The following FOXP1 variants were observed in gnomAD, a reference collection of about 807,000 sequenced individuals.
The protein encoded by FOXP1 is forkhead box protein P1.
In FOXP1, 15 loss-of-function variants were observed where a neutral mutation model predicts 98.2. The ratio of observed to expected loss-of-function variants is 0.15; its 90% CI spans 0.10 to 0.24. The LOEUF (loss-of-function observed/expected upper bound fraction) is 0.24. Ranked by LOEUF, FOXP1 falls within the 10% of genes least tolerant of loss-of-function variation. The pLI, the probability that FOXP1 is intolerant of heterozygous loss-of-function variation, is 1.00. For synonymous variants in FOXP1, 371 were observed against 314.5 expected (o/e 1.18, Z -1.90); for missense variants, 633 against 848.5 (o/e 0.75, Z 3.15).
chr3:71,444,093 C>T (rs1020814670), intron 3 of FOXP1, among the ~76,000 whole-genome samples: 2 of 152,188 alleles, frequency 1.3e-5, no homozygotes, highest in South Asian at 4.1e-4. Context: ...CTCTCAAACG[C>T]CTAGTACATC....
At chr3:71,052,492 C>A (rs763331396) in intron 9 of FOXP1, 45 bp downstream of exon 9, 1 of 878,534 alleles carries the variant, frequency 1.1e-6, no homozygotes, top group Admixed American at 1.7e-5. Flanking sequence ...ACTAGATAGT[C>A]CTCTGGGATC....
intron 5 of FOXP1, among the ~76,000 whole-genome samples, chr3:71,278,241 T>C (rs562300853): frequency 2.3e-4 from 35 of 152,320 alleles, no homozygotes; most frequent in African/African-American, 4.8e-4. Context: ...CTGTCATCAA[T>C]AGCTTTTGAT....
At chr3:71,188,159 G>A (rs554265685) in intron 6 of FOXP1, among the ~76,000 whole-genome samples, 6 of 152,182 alleles carry the variant, frequency 3.9e-5, no homozygotes, top group East Asian at 3.9e-4. Flanking sequence ...GACATTTTAC[G>A]CACAATTTTC....
At chr3:71,336,199 A>G (rs1053508933) in intron 4 of FOXP1, among the ~76,000 whole-genome samples, 1 of 152,148 alleles carries the variant, frequency 6.6e-6, no homozygotes, top group Non-Finnish European at 1.5e-5. Flanking sequence ...TAAAAAATGC[A>G]ATAAATTGAA....
chr3:71,313,007 A>G (rs1235077136), intron 4 of FOXP1, among the ~76,000 whole-genome samples: 1 of 152,062 alleles, frequency 6.6e-6, no homozygotes, highest in Non-Finnish European at 1.5e-5. Flanking sequence ...AATAAAATAA[A>G]ATAAGGGAAT....
intron 14 of FOXP1, among the ~76,000 whole-genome samples, chr3:70,980,151 T>C (rs911291449): frequency 6.6e-6 from 1 of 151,946 alleles, no homozygotes; most frequent in African/African-American, 2.4e-5. Flanking sequence ...CAGTTCAGAG[T>C]AGCAGCCGCA....
chr3:71,150,257 G>T (rs933077927), intron 6 of FOXP1, among the ~76,000 whole-genome samples: 1 of 152,126 alleles, frequency 6.6e-6, no homozygotes, highest in East Asian at 1.9e-4. Flanking sequence ...CCTGGCAGTG[G>T]CAATGCATGC....
chr3:71,054,284 A>G (rs1319302635), intron 7 of FOXP1, among the ~76,000 whole-genome samples: 10 of 152,228 alleles, frequency 6.6e-5, no homozygotes, highest in African/African-American at 2.4e-4. Flanking sequence ...ACTTAAACAC[A>G]GACCCTTCGC....
chr3:71,111,746 C>A (rs1668654904), intron 7 of FOXP1, among the ~76,000 whole-genome samples: 1 of 152,142 alleles, frequency 6.6e-6, no homozygotes, highest in Non-Finnish European at 1.5e-5. Context: ...TCCATTAAGC[C>A]CTTGCCTTCA....
intron 2 of FOXP1, chr3:71,541,834 AAAAC>A (rs903873048): frequency 5.7e-5 from 24 of 419,034 alleles, no homozygotes; most frequent in African/African-American, 4.9e-4. Context: ...TCCTGGTTTT[AAAAC>A]AAACAAAAAA....
intron 3 of FOXP1, among the ~76,000 whole-genome samples, chr3:71,446,035 A>AGGTGAGTG (rs1444116308): frequency 8.4e-6 from 1 of 118,516 alleles, no homozygotes; most frequent in African/African-American, 3.3e-5. Context: ...AACAACTCAT[A>AGGTGAGTG]GGTGAGTGAG....
intron 2 of FOXP1, among the ~76,000 whole-genome samples, chr3:71,561,681 G>A (rs2046554349): frequency 6.6e-6 from 1 of 152,164 alleles, no homozygotes; most frequent in East Asian, 1.9e-4. Context: ...ATGCCGTGGT[G>A]GTTGCAGAGC....
chr3:71,546,048 C>T (rs943591588), intron 2 of FOXP1, among the ~76,000 whole-genome samples: 23 of 152,282 alleles, frequency 1.5e-4, no homozygotes, highest in African/African-American at 5.5e-4. Context: ...ATGCACTTGA[C>T]CCTTGTTCCA....
chr3:70,995,205 A>G (rs1231763374), intron 13 of FOXP1, among the ~76,000 whole-genome samples: 1 of 152,202 alleles, frequency 6.6e-6, no homozygotes, highest in Non-Finnish European at 1.5e-5. Context: ...ATATGAATTT[A>G]AATCCCTAGG....
chr3:71,083,919 T>C (rs1215977802), intron 7 of FOXP1, among the ~76,000 whole-genome samples: 4 of 152,184 alleles, frequency 2.6e-5, no homozygotes, highest in Non-Finnish European at 5.9e-5. Context: ...CACAAGAAGA[T>C]TAGGAAGTGG....
chr3:71,212,010 T>C (rs2064508188), intron 5 of FOXP1, among the ~76,000 whole-genome samples: 1 of 152,198 alleles, frequency 6.6e-6, no homozygotes, highest in Admixed American at 6.6e-5. Context: ...ACCAATGATA[T>C]TAAATTCTGC....
chr3:71,115,928 G>C (rs1254255691), intron 6 of FOXP1, among the ~76,000 whole-genome samples: 2 of 151,756 alleles, frequency 1.3e-5, no homozygotes, highest in African/African-American at 2.4e-5. Context: ...GTAGAGGCGG[G>C]GTTTTGCCAC....
chr3:71,442,225 T>C (rs2086003453), intron 3 of FOXP1, among the ~76,000 whole-genome samples: 1 of 152,188 alleles, frequency 6.6e-6, no homozygotes, highest in African/African-American at 2.4e-5. Flanking sequence ...TGTAACACCC[T>C]GACATTGTAC....
intron 3 of FOXP1, among the ~76,000 whole-genome samples, chr3:71,419,604 T>C (rs938064128): frequency 1.1e-5 from 1 of 91,466 alleles, no homozygotes; most frequent in Non-Finnish European, 3.2e-5. Flanking sequence ...GGCAATGACA[T>C]TTAGAGACTC....
Sources: allele counts gnomAD v4.1 joint callset (sites outside exome capture counted in the v4.1 genomes callset), GRCh38; gene constraint gnomAD v4.1.1; transcripts MANE v1.5; gene names NCBI Gene and HGNC (gene_info 2026-07-23, HGNC 2026-07-21).